TMEM132D: variants seen among roughly 807,000 people sequenced by gnomAD.
TMEM132D encodes transmembrane protein 132D, also known as mature OL transmembrane protein.
In TMEM132D, 21 loss-of-function variants were observed where a neutral mutation model predicts 62.3. The ratio of observed to expected loss-of-function variants is 0.34; its 90% CI spans 0.24 to 0.49. The LOEUF is 0.49. Among genes scored for constraint, TMEM132D ranks in the 20% least tolerant of loss-of-function variants. The probability of loss-of-function intolerance (pLI) is 0.99; values close to 1 mark genes in which losing one functional copy is unlikely to be tolerated. For synonymous variants in TMEM132D, 621 were observed against 575.6 expected (o/e 1.08, Z -1.13); for missense variants, 1,346 against 1,402.8 (o/e 0.96, Z 0.65).
intron 3 of TMEM132D, among the ~76,000 whole-genome samples, chr12:129,453,109 G>A (rs774604199): frequency 2.6e-5 from 4 of 152,212 alleles, no homozygotes; most frequent in Non-Finnish European, 5.9e-5. Flanking sequence ...AAGGGATCTA[G>A]GTTGTGCATT....
rs139226831 is a variant in TMEM132D at position 129,697,003 on chromosome 12, G to A, written c.968+2807C>T. On this transcript the variant is annotated intron_variant, in intron 2 of 8. Transcript: ENST00000422113. ...GTGAAACACACATGCATATATACACGCATACAAATACACACACAGAAAGAA... is the reference window on the plus strand; with the variant it reads ...GTGAAACACACATGCATATATACACACATACAAATACACACACAGAAAGAA... Among the ~76,000 whole-genome samples the A allele has an allele frequency of 1.3e-3, 192 of 152,230 alleles. 2 individuals carry two copies. Among genetic ancestry groups the A allele is most frequent in the African/African-American group, 4.4e-3 (183 of 41,548 alleles).
chr12:129,674,839 C>G (rs117769820), intron 2 of TMEM132D, among the ~76,000 whole-genome samples: 3,627 of 152,130 alleles, frequency 0.024, 148 homozygotes, highest in South Asian at 0.16. Flanking sequence ...ACGCCTGGCT[C>G]GTTTTATGTT....
intron 4 of TMEM132D, among the ~76,000 whole-genome samples, chr12:129,327,569 G>T (rs1221728370): frequency 6.6e-6 from 1 of 152,184 alleles, no homozygotes; most frequent in Admixed American, 6.5e-5. Context: ...ACTGGACAGT[G>T]TCTAGTCTAG....
At chr12:129,844,457 G>C (rs1216693285) in intron 1 of TMEM132D, among the ~76,000 whole-genome samples, 1 of 152,140 alleles carries the variant, frequency 6.6e-6, no homozygotes, top group African/African-American at 2.4e-5. Flanking sequence ...ATCTTGCCAA[G>C]ACAAATGTAA....
chr12:129,677,575 A>T (rs1443753447), intron 2 of TMEM132D, among the ~76,000 whole-genome samples: 1 of 152,228 alleles, frequency 6.6e-6, no homozygotes, highest in Non-Finnish European at 1.5e-5. Flanking sequence ...AACTTTAAAA[A>T]TTTTGACATG....
chr12:129,588,885 AC>A (rs1196691347), intron 2 of TMEM132D, among the ~76,000 whole-genome samples: 9 of 152,102 alleles, frequency 5.9e-5, no homozygotes, highest in Admixed American at 2.0e-4. Flanking sequence ...GAAAGTAGCA[AC>A]AAAATTACTC....
Position 129,495,639 on chromosome 12 carries a change from C to T in TMEM132D, c.1115+35420G>A, listed in dbSNP as rs117703024. ...GTCACGTCCCTTTCTCCCTGAGCTGCTCCCACCACTCCCCTCCAACACTGG... is the reference window on the plus strand; with the variant it reads ...GTCACGTCCCTTTCTCCCTGAGCTGTTCCCACCACTCCCCTCCAACACTGG... On this transcript the variant is annotated intron_variant, in intron 3 of 8. Coordinates refer to ENST00000422113, the MANE Select transcript of TMEM132D (RefSeq NM_133448.3). Among the ~76,000 whole-genome samples, 1,107 of 152,276 alleles carry T rather than the reference C, an allele frequency of 7.3e-3. 12 individuals are homozygous for T. Among genetic ancestry groups the T allele is most frequent in the Non-Finnish European group, 0.011 (748 of 68,008 alleles).
intron 3 of TMEM132D, among the ~76,000 whole-genome samples, chr12:129,431,719 T>A (rs1872660271): frequency 6.6e-6 from 1 of 152,204 alleles, no homozygotes; most frequent in South Asian, 2.1e-4. Flanking sequence ...GAAACCTCCA[T>A]GGGTTTCCCA....
intron 4 of TMEM132D, among the ~76,000 whole-genome samples, chr12:129,295,705 T>C (rs530856238): frequency 6.6e-6 from 1 of 152,252 alleles, no homozygotes; most frequent in East Asian, 1.9e-4. Context: ...CAGGACACCA[T>C]GAATAGCAAA....
chr12:129,677,935 G>C (rs1880674739), intron 2 of TMEM132D, among the ~76,000 whole-genome samples: 1 of 148,526 alleles, frequency 6.7e-6, no homozygotes, highest in South Asian at 2.1e-4. Context: ...TTATATAAAT[G>C]TATTTTCTGC....
At chr12:129,081,653 T>C in intron 7 of TMEM132D, 106 bp downstream of exon 7, 1 of 1,448,994 alleles carries the variant, frequency 6.9e-7, no homozygotes. Flanking sequence ...ATCCTAAAAA[T>C]AGATACCATT....
At chr12:129,093,137 G>C (rs1038814332) in intron 5 of TMEM132D, among the ~76,000 whole-genome samples, 4 of 152,218 alleles carry the variant, frequency 2.6e-5, no homozygotes, top group African/African-American at 9.7e-5. Flanking sequence ...AAGAGGATGT[G>C]CAGGGACATG....
intron 2 of TMEM132D, among the ~76,000 whole-genome samples, chr12:129,646,624 T>G (rs1565935129): frequency 6.6e-6 from 1 of 152,176 alleles, no homozygotes; most frequent in African/African-American, 2.4e-5. Flanking sequence ...CTGAACTCTC[T>G]ATTTCCCCCA....
intron 3 of TMEM132D, among the ~76,000 whole-genome samples, chr12:129,494,807 T>C (rs1035898480): frequency 2.0e-5 from 3 of 152,138 alleles, no homozygotes; most frequent in African/African-American, 7.2e-5. Flanking sequence ...CCTACCTCTC[T>C]GCCCTCTTTT....
intron 3 of TMEM132D, among the ~76,000 whole-genome samples, chr12:129,466,845 C>T (rs1169218810): frequency 6.6e-6 from 1 of 152,196 alleles, no homozygotes; most frequent in African/African-American, 2.4e-5. Context: ...TCCTTCAACA[C>T]TCAGCTTCAA....
At chr12:129,662,744 G>C (rs1245297610) in intron 2 of TMEM132D, among the ~76,000 whole-genome samples, 1 of 121,820 alleles carries the variant, frequency 8.2e-6, no homozygotes, top group African/African-American at 3.1e-5. Context: ...AGTGAGCTAA[G>C]ATTGTGCCAC....
chr12:129,292,415 C>T (rs1881469997), intron 4 of TMEM132D, among the ~76,000 whole-genome samples: 2 of 152,124 alleles, frequency 1.3e-5, no homozygotes, highest in African/African-American at 4.8e-5. Flanking sequence ...CTATGCAAGC[C>T]CTTCATTGCT....
At chr12:129,271,735 T>A (rs759126649) in intron 4 of TMEM132D, among the ~76,000 whole-genome samples, 1 of 151,952 alleles carries the variant, frequency 6.6e-6, no homozygotes, top group Non-Finnish European at 1.5e-5. Flanking sequence ...GCAAAGGACA[T>A]GAACTCATCC....
chr12:129,498,032 T>C (rs200922511), intron 3 of TMEM132D, among the ~76,000 whole-genome samples: 4 of 152,124 alleles, frequency 2.6e-5, no homozygotes, highest in Non-Finnish European at 4.4e-5. Context: ...TTTTTCTCCT[T>C]TGAGCAGTGA....
Sources: allele counts gnomAD v4.1 joint callset (sites outside exome capture counted in the v4.1 genomes callset), GRCh38; gene constraint gnomAD v4.1.1; transcripts MANE v1.5; gene names NCBI Gene and HGNC (gene_info 2026-07-23, HGNC 2026-07-21).